Variants in DNAH11 observed in about 807,000 individuals in gnomAD.
DNAH11 encodes the protein axonemal beta dynein heavy chain 11.
In DNAH11, 442 loss-of-function variants were observed where a neutral mutation model predicts 526.0. That is an observed-to-expected ratio of 0.84 (90% CI 0.78 to 0.91). The LOEUF is 0.91. Among genes scored for constraint, DNAH11 ranks in the 40% least tolerant of loss-of-function variants. DNAH11 has a pLI of 0.00. For missense variants in DNAH11, 6,989 were observed against 5,448.7 expected (o/e 1.28, Z -8.90); for synonymous variants, 2,461 against 1,935.9 (o/e 1.27, Z -7.12).
intron 65 of DNAH11, among the ~76,000 whole-genome samples, chr7:21,820,732 A>G (rs1176688949): frequency 1.3e-5 from 2 of 151,936 alleles, no homozygotes; most frequent in Non-Finnish European, 2.9e-5. Flanking sequence ...TCCTAAATAC[A>G]CTCAAGGGGC....
At chr7:21,720,892 G>A (rs1562508538) in intron 44 of DNAH11, 36 bp downstream of exon 44, 1 of 1,602,154 alleles carries the variant, frequency 6.2e-7, no homozygotes, top group Non-Finnish European at 8.5e-7. Context: ...CCAGTTTCCA[G>A]TTTTGTGTGG....
chr7:21,846,356 CTCT>C (rs769710285), intron 66 of DNAH11, among the ~76,000 whole-genome samples: 1 of 152,128 alleles, frequency 6.6e-6, no homozygotes. Flanking sequence ...AGCTATGATT[CTCT>C]TCTTTTAGAT....
chr7:21,678,184 T>C (rs1256583556), intron 30 of DNAH11, among the ~76,000 whole-genome samples: 1 of 151,874 alleles, frequency 6.6e-6, no homozygotes, highest in Non-Finnish European at 1.5e-5. Context: ...TTTTTTTTTT[T>C]AAGGAATTTT....
At position 21,559,727 on chromosome 7, in the gene DNAH11, T is replaced by C. The variant is rs368459116; in HGVS notation, c.817T>C (p.Ser273Pro). The C allele has an allele frequency of 5.0e-5, 81 of 1,609,256 alleles. No individual in the cohort carries two copies. The highest frequency in any genetic ancestry group is 6.0e-5 in the Non-Finnish European group (71 of 1,177,638). Reference sequence around the variant, plus strand: ...GCGTTTGTTGAATGGTCTTCACTTGTCTCCTCAAGCAGAACTAGATTTCTG... The same window carrying C: ...GCGTTTGTTGAATGGTCTTCACTTGCCTCCTCAAGCAGAACTAGATTTCTG... ...VQRLLNGLHL[S>P]PQAELDFWMM... is the part of the protein sequence containing the mutation. The change falls in exon 4 of 82, where the codon TCT becomes CCT. Residue 273 changes from serine to proline, a missense_variant. By Grantham distance (74) the Ser-to-Pro change is moderately conservative. Coordinates refer to ENST00000409508, the MANE Select transcript of DNAH11 (RefSeq NM_001277115.2).
chr7:21,867,080 C>T (rs1783310121), intron 71 of DNAH11, among the ~76,000 whole-genome samples: 1 of 152,226 alleles, frequency 6.6e-6, no homozygotes, highest in Non-Finnish European at 1.5e-5. Context: ...TGGAGTCACT[C>T]ATAGTCCCTA....
intron 2 of DNAH11, among the ~76,000 whole-genome samples, chr7:21,547,077 C>G (rs2128426159): frequency 6.6e-6 from 1 of 152,250 alleles, no homozygotes; most frequent in South Asian, 2.1e-4. Context: ...AAACTGACAA[C>G]TAAAATAAGA....
chr7:21,814,187 C>T (rs1371607490), intron 63 of DNAH11, among the ~76,000 whole-genome samples: 1 of 152,096 alleles, frequency 6.6e-6, no homozygotes, highest in East Asian at 1.9e-4. Flanking sequence ...AATTGGTACA[C>T]CTGCATAGAA....
intron 15 of DNAH11, 28 bp downstream of exon 15, chr7:21,600,147 C>A: frequency 6.7e-7 from 1 of 1,489,928 alleles, no homozygotes. Flanking sequence ...GGGTATTTAG[C>A]TTTTATATTA....
intron 75 of DNAH11, among the ~76,000 whole-genome samples, chr7:21,882,724 G>T (rs1783967754): frequency 6.6e-6 from 1 of 152,156 alleles, no homozygotes; most frequent in African/African-American, 2.4e-5. Context: ...TTGAACCCTG[G>T]AAGTGGAGGT....
chr7:21,559,276 A>C (rs1047374925), intron 3 of DNAH11, among the ~76,000 whole-genome samples: 1 of 152,242 alleles, frequency 6.6e-6, no homozygotes, highest in South Asian at 2.1e-4. Context: ...CAGAAACACC[A>C]TGTGAATTAT....
intron 68 of DNAH11, among the ~76,000 whole-genome samples, chr7:21,855,971 G>A (rs902841304): frequency 2.6e-5 from 4 of 152,128 alleles, no homozygotes; most frequent in African/African-American, 7.2e-5. Context: ...AGGAAGTAAC[G>A]TTTATTTCTG....
intron 6 of DNAH11, among the ~76,000 whole-genome samples, chr7:21,564,756 G>A (rs1442919422): frequency 6.6e-6 from 1 of 152,158 alleles, no homozygotes; most frequent in Non-Finnish European, 1.5e-5. Flanking sequence ...CTTTTGGAAA[G>A]TGTGGTAAGT....
chr7:21,554,611 GT>G (rs1211026448), intron 2 of DNAH11, among the ~76,000 whole-genome samples: 3 of 152,028 alleles, frequency 2.0e-5, no homozygotes, highest in Non-Finnish European at 4.4e-5. Context: ...TTCTTTTCCT[GT>G]GAAAAGGATA....
At position 21,615,166 on chromosome 7, in the gene DNAH11, C is replaced by G; in HGVS notation, c.3905C>G (p.Ser1302Cys). The change falls in exon 21 of 82, where the codon TCT becomes TGT. Residue 1302 changes from serine (S) to cysteine (C), a missense_variant. Transcript: ENST00000409508. ...GAAGAAATGTTGCAGATGCAAGAATCTACTCGTCTTTTTGAAGTGGCTCTT... is the reference window on the plus strand; with the variant it reads ...GAAGAAATGTTGCAGATGCAAGAATGTACTCGTCTTTTTGAAGTGGCTCTT... ...LEEEMLQMQE[S>C]TRLFEVALPE... is the part of the protein sequence containing the mutation. The G allele has an allele frequency of 1.2e-6, 2 of 1,612,914 alleles. No individual in the cohort carries two copies.
At chr7:21,840,258 AGTT>A (rs536039614) in intron 65 of DNAH11, among the ~76,000 whole-genome samples, 15 of 152,322 alleles carry the variant, frequency 9.8e-5, no homozygotes, top group South Asian at 6.2e-4. Flanking sequence ...GAATTTTCCC[AGTT>A]GTTCAAAATT....
At chr7:21,729,577 TCTC>T in intron 45 of DNAH11, among the ~76,000 whole-genome samples, 1 of 152,310 alleles carries the variant, frequency 6.6e-6, no homozygotes, top group Middle Eastern at 3.4e-3. Flanking sequence ...TTCTTAGAAA[TCTC>T]CTCAGTTAAG....
At chr7:21,705,333 C>G (rs766061228) in intron 38 of DNAH11, 127 bp from the exon 39 acceptor site, 13 of 817,720 alleles carry the variant, frequency 1.6e-5, no homozygotes, top group Admixed American at 5.0e-5. Flanking sequence ...TTAACTTTCT[C>G]TGAACATACT....
rs551257757 is a variant in DNAH11, at chr7:21,622,056, A to T, written c.4500+1978A>T. ...CCCTGTTTGCAGATGACATGATTGT[A>T]TATCTAGAAAACCCCATTGTCTCAG... On this transcript the variant is annotated intron_variant, in intron 25 of 81. Coordinates refer to ENST00000409508, the MANE Select transcript of DNAH11 (RefSeq NM_001277115.2). 3.3e-5 allele frequency among the ~76,000 whole-genome samples: 5 copies of T among 152,244 alleles called. No homozygotes were observed. In the South Asian group the frequency reaches 8.3e-4, roughly 25 times the overall value.
At chr7:21,878,563 A>G (rs1783801024) in intron 74 of DNAH11, among the ~76,000 whole-genome samples, 3 of 152,058 alleles carry the variant, frequency 2.0e-5, no homozygotes, top group Non-Finnish European at 4.4e-5. Context: ...ATTTGTGGAA[A>G]AGTTATTTTT....
Sources: allele counts gnomAD v4.1 joint callset (sites outside exome capture counted in the v4.1 genomes callset), GRCh38; gene constraint gnomAD v4.1.1; transcripts MANE v1.5; gene names NCBI Gene and HGNC (gene_info 2026-07-23, HGNC 2026-07-21).